The following SATL1 variants were observed in gnomAD, a reference collection of about 807,000 sequenced individuals.
SATL1 encodes the protein spermidine/spermine N1-acetyl transferase like 1.
In SATL1, 47 loss-of-function variants were observed where a neutral mutation model predicts 51.8. The observed-to-expected ratio is 0.91, with a 90% CI of 0.72 to 1.16. The LOEUF is 1.16. Ranked by LOEUF, SATL1 falls within the 50% of genes most tolerant of loss-of-function variation. The pLI, the probability that SATL1 is intolerant of heterozygous loss-of-function variation, is 0.00. For synonymous variants in SATL1, 176 were observed against 182.4 expected, an observed-to-expected ratio of 0.97 and a Z score of 0.28; for missense variants, 520 against 526.4, an observed-to-expected ratio of 0.99 and a Z score of 0.12.
At chrX:85,196,742 A>G (rs1009393100) in intron 2 of SATL1, among the ~76,000 whole-genome samples, 1 of 111,718 alleles carries the variant, frequency 9.0e-6, no homozygotes, top group Non-Finnish European at 1.9e-5. Context: ...TCCAATGGGA[A>G]CAAGATTTGT....
intron 2 of SATL1, among the ~76,000 whole-genome samples, chrX:85,109,974 C>T (rs981625541): frequency 1.8e-5 from 2 of 111,870 alleles, no homozygotes; most frequent in Non-Finnish European, 3.8e-5. Flanking sequence ...CGCACTATTG[C>T]ACTCCAGCCT....
intron 2 of SATL1, among the ~76,000 whole-genome samples, chrX:85,148,701 T>C (rs1199564985): frequency 1.8e-5 from 2 of 111,623 alleles, no homozygotes; most frequent in Admixed American, 9.6e-5. Flanking sequence ...CAGAATTTCA[T>C]ATGCAGCCAA....
chrX:85,237,871 T>C (rs1373089489), intron 1 of SATL1, among the ~76,000 whole-genome samples: 2 of 110,766 alleles, frequency 1.8e-5, no homozygotes, highest in Non-Finnish European at 3.8e-5. Context: ...GGAAAAAATC[T>C]AGTAATTCAA....
At chrX:85,238,855 C>A (rs1005899856) in intron 1 of SATL1, among the ~76,000 whole-genome samples, 7 of 110,518 alleles carry the variant, frequency 6.3e-5, no homozygotes, top group South Asian at 3.8e-4. Context: ...TACTATGTAC[C>A]CATAAATATT....
intron 3 of SATL1, 45 bp downstream of exon 3, chrX:85,107,283 C>A: frequency 9.2e-7 from 1 of 1,091,740 alleles, no homozygotes; most frequent in Non-Finnish European, 1.3e-6. Flanking sequence ...CTCTTTCAGC[C>A]CTACACCAAT....
At chrX:85,147,638 G>A (rs761082663) in intron 2 of SATL1, among the ~76,000 whole-genome samples, 1 of 111,670 alleles carries the variant, frequency 9.0e-6, no homozygotes, top group Non-Finnish European at 1.9e-5. Flanking sequence ...CCAGAGGAAC[G>A]ATCAGACAGG....
At chrX:85,221,123 A>C (rs1928167892) in intron 2 of SATL1, among the ~76,000 whole-genome samples, 1 of 111,609 alleles carries the variant, frequency 9.0e-6, no homozygotes, top group Non-Finnish European at 1.9e-5. Flanking sequence ...CAATTACCTT[A>C]GAATAAAATT....
chrX:85,122,459 C>T (rs905539755), intron 2 of SATL1, among the ~76,000 whole-genome samples: 9 of 111,152 alleles, frequency 8.1e-5, no homozygotes, highest in African/African-American at 2.9e-4. Flanking sequence ...CACATTCTGT[C>T]ATACTACTTA....
At position 85,168,597 on chromosome X, in the gene SATL1, A is replaced by C. The variant is rs1019386073; in HGVS notation, c.-313+55608T>G. On this transcript the variant is annotated intron_variant, in intron 2 of 7. Coordinates refer to ENST00000644105, the MANE Select transcript of SATL1 (RefSeq NM_001367857.2). ...GAAAGATTTCTACAATGAGAACTAC[A>C]AAACACTGTTCAAAGAAATCAGAGA... Among the ~76,000 whole-genome samples the C allele has an allele frequency of 5.6e-4, 62 of 111,652 alleles. 1 individual carries two copies. Among genetic ancestry groups the C allele is most frequent in the Non-Finnish European group, 2.1e-4 (11 of 53,051 alleles).
At chrX:85,144,054 T>C (rs1303191011) in intron 2 of SATL1, among the ~76,000 whole-genome samples, 1 of 111,776 alleles carries the variant, frequency 8.9e-6, no homozygotes, top group Non-Finnish European at 1.9e-5. Context: ...ACTTTTTTTT[T>C]CTAAATATTG....
intron 2 of SATL1, among the ~76,000 whole-genome samples, chrX:85,200,828 G>A (rs1247619476): frequency 9.1e-6 from 1 of 109,957 alleles, no homozygotes; most frequent in Non-Finnish European, 1.9e-5. Context: ...AATACCATTA[G>A]CAATTTATTA....
chrX:85,120,664 A>C (rs773362553), intron 2 of SATL1, among the ~76,000 whole-genome samples: 1 of 112,245 alleles, frequency 8.9e-6, no homozygotes, highest in Non-Finnish European at 1.9e-5. Flanking sequence ...TTGAAACATT[A>C]TCAAAAAGGT....
intron 1 of SATL1, among the ~76,000 whole-genome samples, chrX:85,233,296 C>T (rs1248744245): frequency 8.9e-6 from 1 of 111,822 alleles, no homozygotes; most frequent in African/African-American, 3.3e-5. Context: ...TTCAAATACC[C>T]GGAAAGCCTT....
chrX:85,132,158 T>C (rs1429622926), intron 2 of SATL1, among the ~76,000 whole-genome samples: 1 of 111,516 alleles, frequency 9.0e-6, no homozygotes. Context: ...TGTATCTTTG[T>C]GGCATTCTTT....
intron 2 of SATL1, among the ~76,000 whole-genome samples, chrX:85,174,352 C>T (rs1927043827): frequency 9.3e-6 from 1 of 107,076 alleles, no homozygotes; most frequent in East Asian, 2.9e-4. Flanking sequence ...GATGGAGTCT[C>T]ACTCTTGTTG....
At chrX:85,150,768 C>T (rs1926407488) in intron 2 of SATL1, among the ~76,000 whole-genome samples, 2 of 110,073 alleles carry the variant, frequency 1.8e-5, no homozygotes, top group Admixed American at 1.9e-4. Flanking sequence ...TTCAACAACC[C>T]TTCATGCTAA....
intron 2 of SATL1, among the ~76,000 whole-genome samples, chrX:85,158,339 A>G (rs1381556192): frequency 1.8e-5 from 2 of 111,860 alleles, no homozygotes; most frequent in East Asian, 2.8e-4. Context: ...TTTAGCACAA[A>G]GTAGCTTATA....
intron 2 of SATL1, among the ~76,000 whole-genome samples, chrX:85,175,793 A>T (rs1376061734): frequency 9.0e-6 from 1 of 111,195 alleles, no homozygotes. Context: ...CAAGGGGGGC[A>T]GTCATTGCAA....
At chrX:85,182,159 T>C (rs1464880358) in intron 2 of SATL1, among the ~76,000 whole-genome samples, 1 of 111,332 alleles carries the variant, frequency 9.0e-6, no homozygotes, top group Non-Finnish European at 1.9e-5. Context: ...ATAGTCATCC[T>C]ACAGTGGTAC....
Sources: gnomAD v4.1 joint callset for allele counts (sites outside exome capture counted in the v4.1 genomes callset) on GRCh38, gnomAD v4.1.1 for gene constraint, MANE v1.5 for transcripts, NCBI Gene and HGNC (gene_info 2026-07-23, HGNC 2026-07-21) for gene names.